TBC1D5: variants seen among roughly 807,000 people sequenced by gnomAD.
TBC1D5 encodes the protein TBC1 domain family member 5.
In TBC1D5, 75 loss-of-function variants were observed where a neutral mutation model predicts 100.3. The observed-to-expected ratio is 0.75, with a 90% CI of 0.62 to 0.91. TBC1D5 has a LOEUF of 0.91. TBC1D5 is among the 40% of genes least tolerant of loss of function. The pLI is 0.00. For synonymous variants in TBC1D5, 323 were observed against 325.6 expected (o/e 0.99, Z 0.09); for missense variants, 910 against 942.4 (o/e 0.97, Z 0.45).
intron 1 of TBC1D5, among the ~76,000 whole-genome samples, chr3:17,649,176 T>C (rs978492417): frequency 8.5e-5 from 13 of 152,126 alleles, no homozygotes; most frequent in Non-Finnish European, 1.8e-4. Flanking sequence ...ATGTCTTTTG[T>C]GGGAACATGG....
chr3:17,261,700 T>G (rs1332708737), intron 15 of TBC1D5, among the ~76,000 whole-genome samples: 1 of 152,158 alleles, frequency 6.6e-6, no homozygotes, highest in Admixed American at 6.6e-5. Flanking sequence ...TCTTTTATTG[T>G]TTTGTACAGA....
chr3:17,683,966 T>C (rs1056723971), intron 1 of TBC1D5, among the ~76,000 whole-genome samples: 1 of 152,180 alleles, frequency 6.6e-6, no homozygotes, highest in African/African-American at 2.4e-5. Flanking sequence ...TCTGTGCACA[T>C]ATCTGTGTAT....
intron 3 of TBC1D5, among the ~76,000 whole-genome samples, chr3:17,505,238 T>C (rs896778628): frequency 6.6e-6 from 1 of 152,138 alleles, no homozygotes; most frequent in Non-Finnish European, 1.5e-5. Flanking sequence ...TGATCCTTCA[T>C]GAATGGTTTT....
At chr3:17,551,849 C>A (rs574691058) in intron 2 of TBC1D5, among the ~76,000 whole-genome samples, 1 of 152,128 alleles carries the variant, frequency 6.6e-6, no homozygotes, top group South Asian at 2.1e-4. Flanking sequence ...CATATAAACA[C>A]AAAAAACAAC....
At chr3:17,548,343 A>G (rs914257656) in intron 2 of TBC1D5, among the ~76,000 whole-genome samples, 4 of 152,128 alleles carry the variant, frequency 2.6e-5, no homozygotes, top group African/African-American at 9.7e-5. Flanking sequence ...AACAAAATTC[A>G]TATATCAGTA....
At chr3:17,352,815 C>G (rs141754740) in intron 13 of TBC1D5, among the ~76,000 whole-genome samples, 38 of 151,672 alleles carry the variant, frequency 2.5e-4, no homozygotes, top group African/African-American at 8.2e-4. Flanking sequence ...ATGAGTTGTA[C>G]GTAAAACATG....
chr3:17,487,377 T>C (rs2095582650), intron 3 of TBC1D5, among the ~76,000 whole-genome samples: 1 of 152,188 alleles, frequency 6.6e-6, no homozygotes, highest in Non-Finnish European at 1.5e-5. Context: ...TGAGTTAACA[T>C]AAACAATATT....
At chr3:17,651,564 C>T (rs1294051518) in intron 1 of TBC1D5, among the ~76,000 whole-genome samples, 1 of 152,066 alleles carries the variant, frequency 6.6e-6, no homozygotes. Context: ...CAAAAAACTT[C>T]GTCGGGCATG....
intron 1 of TBC1D5, among the ~76,000 whole-genome samples, chr3:17,671,976 A>C (rs185903396): frequency 6.6e-6 from 1 of 152,244 alleles, no homozygotes. Context: ...TTTTATTTCA[A>C]GAAGAAATAC....
At chr3:17,558,067 C>T (rs1031764577) in intron 2 of TBC1D5, among the ~76,000 whole-genome samples, 2 of 152,110 alleles carry the variant, frequency 1.3e-5, no homozygotes, top group South Asian at 4.1e-4. Flanking sequence ...TACCAGAGTA[C>T]TTTTTCAAGA....
chr3:17,418,170 C>T (rs547582430), intron 4 of TBC1D5, among the ~76,000 whole-genome samples: 6 of 152,008 alleles, frequency 3.9e-5, no homozygotes, highest in Admixed American at 2.0e-4. Flanking sequence ...TTTTTTATTC[C>T]ATAGCAGCTT....
intron 3 of TBC1D5, among the ~76,000 whole-genome samples, chr3:17,457,017 CA>C (rs1272465078): frequency 2.0e-5 from 3 of 150,400 alleles, no homozygotes; most frequent in African/African-American, 7.3e-5. Flanking sequence ...CTTTCAATAG[CA>C]AAAAAAAATA....
At chr3:17,702,845 G>T (rs1406823248) in intron 1 of TBC1D5, among the ~76,000 whole-genome samples, 1 of 152,152 alleles carries the variant, frequency 6.6e-6, no homozygotes, top group African/African-American at 2.4e-5. Context: ...AGTAAAGGCA[G>T]AGTGTGGCAA....
chr3:17,682,535 A>G (rs1367193095), intron 1 of TBC1D5, among the ~76,000 whole-genome samples: 1 of 151,480 alleles, frequency 6.6e-6, no homozygotes, highest in Non-Finnish European at 1.5e-5. Context: ...AAACATTCTT[A>G]AAGATATTAC....
At chr3:17,435,361 G>A (rs1307130173) in intron 3 of TBC1D5, among the ~76,000 whole-genome samples, 1 of 152,124 alleles carries the variant, frequency 6.6e-6, no homozygotes, top group African/African-American at 2.4e-5. Context: ...ACCCAAGACT[G>A]GGTAATTTAT....
intron 1 of TBC1D5, among the ~76,000 whole-genome samples, chr3:17,671,466 A>T (rs1201204479): frequency 6.6e-6 from 1 of 152,204 alleles, no homozygotes; most frequent in Non-Finnish European, 1.5e-5. Context: ...GGCCTCCCCC[A>T]AAGTGTCCCA....
chr3:17,400,499 T>C (rs1025974321), intron 8 of TBC1D5, among the ~76,000 whole-genome samples: 4 of 152,134 alleles, frequency 2.6e-5, no homozygotes, highest in Non-Finnish European at 5.9e-5. Flanking sequence ...GGAGACTTAA[T>C]CTAAATGTGG....
At chr3:17,431,023 G>A (rs537875838) in intron 3 of TBC1D5, among the ~76,000 whole-genome samples, 3 of 151,970 alleles carry the variant, frequency 2.0e-5, no homozygotes, top group Admixed American at 2.0e-4. Context: ...AAATAAACAA[G>A]TGTTACTTTA....
At chr3:17,608,376 T>A (rs73165775) in intron 2 of TBC1D5, among the ~76,000 whole-genome samples, 7,680 of 152,010 alleles carry the variant, frequency 0.051, 618 homozygotes, top group African/African-American at 0.17. Flanking sequence ...ACATAATGAG[T>A]AAAAAGGGGG....
Sources: gnomAD v4.1 joint callset for allele counts (sites outside exome capture counted in the v4.1 genomes callset) on GRCh38, gnomAD v4.1.1 for gene constraint, MANE v1.5 for transcripts, NCBI Gene and HGNC (gene_info 2026-07-23, HGNC 2026-07-21) for gene names.